RARB: variants seen among roughly 807,000 people sequenced by gnomAD.
RARB encodes the protein retinoic acid receptor beta, also known as HBV-activated protein.
A neutral mutation model predicts 51.9 loss-of-function variants in RARB; 17 were observed. That is an observed-to-expected ratio of 0.33 (90% CI 0.22 to 0.49). The LOEUF (loss-of-function observed/expected upper bound fraction) is 0.49. Among genes scored for constraint, RARB ranks in the 20% least tolerant of loss-of-function variants. The pLI is 0.99. For missense variants in RARB, 369 were observed against 550.8 expected, an observed-to-expected ratio of 0.67 and a Z score of 3.30; for synonymous variants, 215 against 195.4, an observed-to-expected ratio of 1.10 and a Z score of -0.84.
chr3:25,015,409 T>A (rs1697486855), intron 2 of RARB, among the ~76,000 whole-genome samples: 1 of 152,200 alleles, frequency 6.6e-6, no homozygotes, highest in East Asian at 1.9e-4. Context: ...ATTATCTTTA[T>A]AATTTGTTAA....
intron 7 of RARB, among the ~76,000 whole-genome samples, chr3:25,595,243 G>C (rs1701772309): frequency 6.6e-6 from 1 of 152,188 alleles, no homozygotes. Flanking sequence ...TTAACAGTAA[G>C]GTTTTTCTAT....
intron 2 of RARB, among the ~76,000 whole-genome samples, chr3:25,038,736 T>G (rs1698054735): frequency 6.6e-6 from 1 of 152,174 alleles, no homozygotes; most frequent in Non-Finnish European, 1.5e-5. Flanking sequence ...ATGAGACAGT[T>G]CTTATGTTTT....
intron 2 of RARB, among the ~76,000 whole-genome samples, chr3:25,020,916 C>T (rs1164483631): frequency 2.6e-5 from 4 of 152,128 alleles, no homozygotes; most frequent in African/African-American, 9.7e-5. Flanking sequence ...TTGCAGTGAG[C>T]CGAGATCGTG....
chr3:24,841,928 G>T lies in RARB; in HGVS notation c.-459+12525G>T, dbSNP rs1318454885. On this transcript the variant is annotated intron_variant, in intron 1 of 11. Transcript: ENST00000383772. ...AGAACTAATAAAATTAAATATGAAA[G>T]AACCTATTGAGAAATGCTCTCTTTT... 2.0e-5 allele frequency among the ~76,000 whole-genome samples: 3 copies of T among 152,236 alleles called. No individual in the cohort carries two copies. The East Asian group carries it at 5.8e-4, about 29-fold the overall frequency.
At chr3:25,127,018 C>G (rs967913735) in intron 3 of RARB, among the ~76,000 whole-genome samples, 4 of 152,104 alleles carry the variant, frequency 2.6e-5, no homozygotes, top group African/African-American at 7.2e-5. Context: ...TCATCCTGTT[C>G]TCTCCATCTC....
intron 4 of RARB, among the ~76,000 whole-genome samples, chr3:25,149,432 C>T (rs1700246703): frequency 6.6e-6 from 1 of 152,162 alleles, no homozygotes; most frequent in African/African-American, 2.4e-5. Context: ...ATAGTTCTAC[C>T]AGAAAATGTG....
intron 2 of RARB, among the ~76,000 whole-genome samples, chr3:24,912,975 C>CTTTTTTTTTTGTTTTTTTTTTTTTTTTT (rs1695023326): frequency 1.3e-5 from 1 of 75,066 alleles, no homozygotes; most frequent in Non-Finnish European, 2.6e-5. Context: ...GGTACTGATT[C>CTTTTTTTTTTGTTTTTTTTTTTTTTTTT]TTTTTTTTTT....
chr3:24,854,014 A>C (rs1012322410), intron 1 of RARB, among the ~76,000 whole-genome samples: 1 of 152,200 alleles, frequency 6.6e-6, no homozygotes, highest in African/African-American at 2.4e-5. Context: ...TGTGTGTGTG[A>C]ATAAATTCTC....
intron 2 of RARB, among the ~76,000 whole-genome samples, chr3:24,889,011 A>G (rs1196510621): frequency 6.6e-6 from 1 of 152,192 alleles, no homozygotes; most frequent in Non-Finnish European, 1.5e-5. Flanking sequence ...CTTTAATTGG[A>G]TAATAGAATG....
In RARB at chr3:24,978,223, G is replaced by T. The variant is rs562494457; in HGVS notation, c.-379-81902G>T. Among the ~76,000 whole-genome samples the T allele has an allele frequency of 3.7e-3, 564 of 151,808 alleles. 2 individuals carry two copies. The highest frequency in any genetic ancestry group is 0.013 in the African/African-American group (537 of 41,386). On this transcript the variant is annotated intron_variant, in intron 2 of 11. Transcript: ENST00000383772. Reference sequence around the variant, plus strand: ...TGGCCTAAGATTCTTTTTTTTTGTTGTTGTGTCTCTGCCAGGTTTTGGAAT... The same window carrying T: ...TGGCCTAAGATTCTTTTTTTTTGTTTTTGTGTCTCTGCCAGGTTTTGGAAT...
At chr3:25,118,439 A>G (rs1575168654) in intron 3 of RARB, among the ~76,000 whole-genome samples, 1 of 152,164 alleles carries the variant, frequency 6.6e-6, no homozygotes, top group Non-Finnish European at 1.5e-5. Context: ...AACAGTACGT[A>G]TATACAAATT....
chr3:25,243,308 C>T (rs1702476675), intron 5 of RARB, among the ~76,000 whole-genome samples: 4 of 152,164 alleles, frequency 2.6e-5, no homozygotes, highest in Admixed American at 6.5e-5. Flanking sequence ...ATTTCTTCCT[C>T]TTGCCTGATT....
Position 25,355,313 on chromosome 3 carries a change from T to G in RARB, c.179-105880T>G, listed in dbSNP as rs956137328. 3.3e-5 allele frequency among the ~76,000 whole-genome samples: 5 copies of G among 152,052 alleles called. No individual in the cohort carries two copies. In the East Asian group the frequency reaches 5.8e-4, roughly 18 times the overall value. On this transcript the variant is annotated intron_variant, in intron 5 of 11. Transcript: ENST00000383772. ...GGCGTGTTTTTTGTTTGAGGGGATT[T>G]AAAAAATCTTTTCCATCCATCTCTT...
At position 24,984,170 on chromosome 3, in the gene RARB, A is replaced by C. The variant is rs957370542; in HGVS notation, c.-379-75955A>C. ...AAGCTAAGCCAAGCAAAAGGGAAGA[A>C]ATCAACCAAACCAGTGAAGGTGTTC... is the stretch of plus-strand genomic sequence containing the variant. On this transcript the variant is annotated intron_variant, in intron 2 of 11. Coordinates refer to the RARB transcript ENST00000383772. 1.1e-4 allele frequency among the ~76,000 whole-genome samples: 17 copies of C among 152,364 alleles called. No homozygotes were observed. The South Asian group carries it at 1.2e-3, about 11-fold the overall frequency.
chr3:25,035,349 G>A (rs1037568672), intron 2 of RARB, among the ~76,000 whole-genome samples: 3 of 150,406 alleles, frequency 2.0e-5, no homozygotes, highest in Non-Finnish European at 4.4e-5. Flanking sequence ...CTCCAACTCC[G>A]TAGCTCAAGC....
At chr3:25,429,125 A>G (rs972370202) in intron 1 of RARB, among the ~76,000 whole-genome samples, 6 of 152,102 alleles carry the variant, frequency 3.9e-5, no homozygotes, top group Admixed American at 3.3e-4. Context: ...TACCAACCTT[A>G]TAGTCTCTTG....
chr3:25,194,592 G>A (rs927184603), intron 5 of RARB, among the ~76,000 whole-genome samples: 14 of 150,044 alleles, frequency 9.3e-5, no homozygotes, highest in African/African-American at 2.7e-4. Context: ...AAGATTACCC[G>A]GAAGTAAAAG....
At chr3:24,890,008 C>A (rs149920954) in intron 2 of RARB, among the ~76,000 whole-genome samples, 1 of 151,838 alleles carries the variant, frequency 6.6e-6, no homozygotes, top group Non-Finnish European at 1.5e-5. Flanking sequence ...TATTCTAATG[C>A]GATCAGCAGT....
At chr3:25,422,351 G>C (rs17016408) in intron 5 of RARB, among the ~76,000 whole-genome samples, 16,965 of 152,196 alleles carry the variant, frequency 0.11, 1,195 homozygotes, top group East Asian at 0.31. Flanking sequence ...TTAGCTTATT[G>C]GAAGATGTAT....
Sources: gnomAD v4.1 joint callset for allele counts (sites outside exome capture counted in the v4.1 genomes callset) on GRCh38, gnomAD v4.1.1 for gene constraint, MANE v1.5 for transcripts, NCBI Gene and HGNC (gene_info 2026-07-23, HGNC 2026-07-21) for gene names.